Variants in ACAP2 observed in about 807,000 individuals in gnomAD.
The protein encoded by ACAP2 is arf-GAP with coiled-coil, ANK repeat and PH domain-containing protein 2.
A neutral mutation model predicts 115.8 loss-of-function variants in ACAP2; 39 were observed. The ratio of observed to expected loss-of-function variants is 0.34; its 90% CI spans 0.26 to 0.44. The LOEUF is 0.44. Among genes scored for constraint, ACAP2 ranks in the 20% least tolerant of loss-of-function variants. The pLI is 1.00. For missense variants in ACAP2, 662 were observed against 927.6 expected (o/e 0.71, Z 3.72); for synonymous variants, 289 against 315.8 (o/e 0.92, Z 0.90).
At chr3:195,439,754 G>A (rs1159520116) in intron 1 of ACAP2, among the ~76,000 whole-genome samples, 2 of 151,930 alleles carry the variant, frequency 1.3e-5, no homozygotes, top group East Asian at 3.9e-4. Context: ...AGTCTCCCAA[G>A]TAGCTGGGAT....
chr3:195,437,885 C>T lies in ACAP2; in HGVS notation c.53+4910G>A, dbSNP rs796352617. Reference sequence around the variant, plus strand: ...ATGAGGATAAGTCCTACTTTACATGCTTTTTTTTTTTTTTTTTTTTCATTA... The same window carrying T: ...ATGAGGATAAGTCCTACTTTACATGTTTTTTTTTTTTTTTTTTTTTCATTA... On this transcript the variant is annotated intron_variant, in intron 1 of 22. Coordinates refer to ENST00000326793, the MANE Select transcript of ACAP2 (RefSeq NM_012287.6). Among the ~76,000 whole-genome samples the T allele has an allele frequency of 3.7e-3, 337 of 90,730 alleles. 1 individual carries two copies. The highest frequency in any genetic ancestry group is 0.014 in the African/African-American group (315 of 22,998). 59.5% of individuals were successfully genotyped at this position (90,730 alleles called of 152,430 possible).
chr3:195,312,280 C>T (rs1728821234), intron 10 of ACAP2, among the ~76,000 whole-genome samples: 1 of 152,038 alleles, frequency 6.6e-6, no homozygotes, highest in Non-Finnish European at 1.5e-5. Flanking sequence ...CATGAATGCT[C>T]CTTTACTTCA....
At chr3:195,301,493 T>TCA in intron 15 of ACAP2, 82 bp downstream of exon 15, 1 of 1,083,062 alleles carries the variant, frequency 9.2e-7, no homozygotes, top group Non-Finnish European at 1.4e-6. Flanking sequence ...CATGAAGAAC[T>TCA]CACACATTTG....
Position 195,333,723 on chromosome 3 carries a change from A to G in ACAP2, c.574-600T>C, listed in dbSNP as rs112179079. Among the ~76,000 whole-genome samples the G allele has an allele frequency of 4.1e-4, 63 of 152,336 alleles. No individual in the cohort carries two copies. The Middle Eastern group carries it at 0.017, about 41-fold the overall frequency. ...TTTTCAATAACTCTACTATCTTCCT[A>G]GGTCCATTATAAAGTATTTATGTGC... On this transcript the variant is annotated intron_variant, in intron 7 of 22. Coordinates refer to ENST00000326793, the MANE Select transcript of ACAP2 (RefSeq NM_012287.6).
chr3:195,436,128 TA>T lies in ACAP2; in HGVS notation c.53+6666del, dbSNP rs1411344450. On this transcript the variant is annotated intron_variant, in intron 1 of 22. Transcript: ENST00000326793. ...ATATATACATATATATGTATATATA[TA>T]TATATTTTTTTTTTTTGGAGACAAA... Among the ~76,000 whole-genome samples, 960 of 132,364 alleles carry T rather than the reference TA, an allele frequency of 7.3e-3. 11 individuals carry two copies. Among genetic ancestry groups the T allele is most frequent in the Middle Eastern group, 0.033 (9 of 276 alleles). The allele number at this position is 132,364 out of a possible 152,430, so 86.8% of individuals were successfully genotyped here. A position where few individuals can be genotyped will look rare whatever the true frequency, so the allele number is the denominator to read the frequency against.
In ACAP2 at chr3:195,413,769, A is replaced by C. The variant is rs987294061; in HGVS notation, c.54-21622T>G. Among the ~76,000 whole-genome samples the C allele has an allele frequency of 5.9e-5, 9 of 151,974 alleles. 1 individual carries two copies. In the South Asian group the frequency reaches 1.9e-3, roughly 32 times the overall value. On this transcript the variant is annotated intron_variant, in intron 1 of 22. Transcript: ENST00000326793. The stretch of plus-strand genomic sequence containing the variant: ...CTGTCTCTCAAAACAAAAACAAACA[A>C]AGAAACCCACTGGGCAAAAGACCTG...
intron 10 of ACAP2, among the ~76,000 whole-genome samples, chr3:195,315,189 A>G (rs143628469): frequency 4.6e-5 from 7 of 152,212 alleles, no homozygotes; most frequent in African/African-American, 1.7e-4. Context: ...ACTAATTTTT[A>G]TATTTGTTTT....
At chr3:195,424,543 C>T (rs536962525) in intron 1 of ACAP2, among the ~76,000 whole-genome samples, 88 of 151,642 alleles carry the variant, frequency 5.8e-4, no homozygotes, top group African/African-American at 2.0e-3. Context: ...AGACAATCCG[C>T]CTGCTTCGGC....
chr3:195,292,689 A>AG (rs1482976667), intron 18 of ACAP2, among the ~76,000 whole-genome samples: 2 of 152,058 alleles, frequency 1.3e-5, no homozygotes, highest in Non-Finnish European at 2.9e-5. Context: ...TGGGAGGCCG[A>AG]GGGGGGTGGA....
intron 9 of ACAP2, among the ~76,000 whole-genome samples, chr3:195,321,828 G>A (rs1367262764): frequency 6.6e-6 from 1 of 151,912 alleles, no homozygotes; most frequent in African/African-American, 2.4e-5. Flanking sequence ...AGCCAGGCTG[G>A]TCTCAAACTC....
At chr3:195,380,586 C>T (rs942445024) in intron 4 of ACAP2, among the ~76,000 whole-genome samples, 1 of 152,072 alleles carries the variant, frequency 6.6e-6, no homozygotes, top group East Asian at 1.9e-4. Flanking sequence ...AAGAATATAG[C>T]ACTCTTTAAT....
intron 9 of ACAP2, among the ~76,000 whole-genome samples, chr3:195,321,501 C>T (rs956881135): frequency 3.8e-4 from 57 of 151,512 alleles, no homozygotes; most frequent in African/African-American, 1.4e-3. Flanking sequence ...GGCATCACAA[C>T]ATTTTATGGT....
intron 4 of ACAP2, among the ~76,000 whole-genome samples, chr3:195,359,244 G>A (rs1041784792): frequency 2.0e-5 from 3 of 152,194 alleles, no homozygotes; most frequent in Admixed American, 6.5e-5. Context: ...ATCTGCAGGT[G>A]CAAGGCTCAC....
In ACAP2 at chr3:195,342,496, T is replaced by C; in HGVS notation, c.503A>G (p.His168Arg). 1 of 1,608,970 alleles carries C rather than the reference T, an allele frequency of 6.2e-7. No individual in the cohort carries two copies. The highest frequency in any genetic ancestry group is 8.5e-7 in the Non-Finnish European group (1 of 1,178,842). ...CTGAAGCACATAATCGAGGGCTATG[T>C]GTCGGAAACATTTTCTTGTTGCTGT... ...ILTATRKCFR[H>R]IALDYVLQIN... The change falls in exon 6 of 23, where the codon CAC becomes CGC. Residue 168 changes from histidine to arginine, a missense_variant. By Grantham distance (29) the His-to-Arg change is conservative. Coordinates refer to ENST00000326793, the MANE Select transcript of ACAP2 (RefSeq NM_012287.6).
intron 10 of ACAP2, among the ~76,000 whole-genome samples, chr3:195,318,161 C>A (rs1436572475): frequency 6.6e-6 from 1 of 152,170 alleles, no homozygotes; most frequent in African/African-American, 2.4e-5. Flanking sequence ...TTTCCTGAGG[C>A]TTCCCCAGCC....
chr3:195,423,370 C>A (rs1399697538), intron 1 of ACAP2, among the ~76,000 whole-genome samples: 1 of 152,150 alleles, frequency 6.6e-6, no homozygotes, highest in African/African-American at 2.4e-5. Flanking sequence ...TGCCTCTAAT[C>A]CCAGCACTTT....
At chr3:195,287,842 G>A (rs1196062468) in intron 21 of ACAP2, among the ~76,000 whole-genome samples, 1 of 152,088 alleles carries the variant, frequency 6.6e-6, no homozygotes, top group Non-Finnish European at 1.5e-5. Context: ...GGTGACTCAC[G>A]CCTGTAATCC....
In ACAP2 at chr3:195,351,132, GC is replaced by G. The variant is rs1284804300; in HGVS notation, c.286-5816del. On this transcript the variant is annotated intron_variant, in intron 4 of 22. Transcript: ENST00000326793. ...AAGATAAATCCTTTTTTTTTTTTGG[GC>G]GGGGGACAGGGTCTTGCTCTGTCGC... Among the ~76,000 whole-genome samples, 145 of 77,688 alleles carry G rather than the reference GC, an allele frequency of 1.9e-3. 2 individuals are homozygous for G. Among genetic ancestry groups the G allele is most frequent in the African/African-American group, 7.1e-3 (127 of 17,986 alleles). 51.0% of individuals were successfully genotyped at this position (77,688 alleles called of 152,430 possible). A position where few individuals can be genotyped will look rare whatever the true frequency, so the allele number is the denominator to read the frequency against.
At chr3:195,382,818 T>G (rs1028405075) in intron 2 of ACAP2, among the ~76,000 whole-genome samples, 41 of 151,360 alleles carry the variant, frequency 2.7e-4, no homozygotes, top group African/African-American at 9.2e-4. Context: ...ATTCTATAAT[T>G]CTAACAAGTA....
Sources: allele counts gnomAD v4.1 joint callset (sites outside exome capture counted in the v4.1 genomes callset), GRCh38; gene constraint gnomAD v4.1.1; transcripts MANE v1.5; gene names NCBI Gene and HGNC (gene_info 2026-07-23, HGNC 2026-07-21).